COPS8: variants seen among roughly 807,000 people sequenced by gnomAD.
COPS8 encodes COP9 signalosome complex subunit 8.
In COPS8, 11 loss-of-function variants were observed where a neutral mutation model predicts 31.5. The observed-to-expected ratio is 0.35, with a 90% CI of 0.22 to 0.58. COPS8 has a LOEUF of 0.58. COPS8 is among the 20% of genes least tolerant of loss of function. The probability of loss-of-function intolerance (pLI) is 0.83; values close to 1 mark genes in which losing one functional copy is unlikely to be tolerated. For synonymous variants in COPS8, 81 were observed against 89.3 expected, an observed-to-expected ratio of 0.91 and a Z score of 0.52; for missense variants, 215 against 255.1, an observed-to-expected ratio of 0.84 and a Z score of 1.07.
intron 7 of COPS8, 72 bp downstream of exon 7, chr2:237,096,941 ATG>A: frequency 9.7e-7 from 1 of 1,027,418 alleles, no homozygotes; most frequent in South Asian, 1.4e-5. Flanking sequence ...ATATATGTAT[ATG>A]TGTGTGTGAG....
chr2:237,095,558 A>G lies in COPS8; in HGVS notation c.440-264A>G, dbSNP rs946436767. Among the ~76,000 whole-genome samples the G allele has an allele frequency of 3.9e-5, 6 of 152,248 alleles. No individual in the cohort carries two copies. The East Asian group carries it at 9.6e-4, about 24-fold the overall frequency. ...AAATAATACTGATTAGGTTAATACT[A>G]TAATATATTCTTGACAGAAAACTAA... On this transcript the variant is annotated intron_variant, in intron 5 of 7. Transcript: ENST00000354371.
intron 2 of COPS8, chr2:237,087,552 C>T (rs1696641691): frequency 1.1e-5 from 3 of 276,078 alleles, no homozygotes; most frequent in Non-Finnish European, 2.3e-5. Context: ...AAGAGGAATT[C>T]GTTACAAACA....
Position 237,093,866 on chromosome 2 carries a change from T to A in COPS8, c.332-224T>A, listed in dbSNP as rs1026884546. 5.1e-6 allele frequency: 6 copies of A among 1,171,178 alleles called. No homozygotes were observed. The African/African-American group carries it at 9.5e-5, about 19-fold the overall frequency. The allele number at this position is 1,171,178 out of a possible 1,614,324, so 72.5% of individuals were successfully genotyped here. ...TCTTTGTAATTTTCATTATCTGAGATTTTTCATCCAAGAGGAAGTGTAAGA... is the reference window on the plus strand; with the variant it reads ...TCTTTGTAATTTTCATTATCTGAGAATTTTCATCCAAGAGGAAGTGTAAGA... On this transcript the variant is annotated intron_variant, in intron 4 of 7. Coordinates refer to ENST00000354371, the MANE Select transcript of COPS8 (RefSeq NM_006710.5).
intron 5 of COPS8, 106 bp from the exon 6 acceptor site, chr2:237,095,716 T>C: frequency 1.4e-6 from 1 of 726,160 alleles, no homozygotes; most frequent in South Asian, 1.6e-5. Context: ...TGACGGGTTA[T>C]ACTAAACACA....
intron 2 of COPS8, among the ~76,000 whole-genome samples, chr2:237,087,952 CA>C (rs199564314): frequency 0.05 from 4,933 of 99,290 alleles, 103 homozygotes; most frequent in Middle Eastern, 0.21. Flanking sequence ...AGCATAACTG[CA>C]AAAAAAAAAA....
rs1268475417 is a variant in COPS8 at position 237,094,072 on chromosome 2, C to T, written c.332-18C>T. The T allele has an allele frequency of 1.2e-6, 2 of 1,610,364 alleles. No individual in the cohort carries two copies. The highest frequency in any genetic ancestry group is 2.2e-5 in the East Asian group (1 of 44,798). The stretch of plus-strand genomic sequence containing the variant: ...GCTCCCTGGTTCACTCTCTGCCAAC[C>T]CACCACTCCCACAATAGATGCAACA... On this transcript the variant is annotated intron_variant, in intron 4 of 7. Transcript: ENST00000354371.
At chr2:237,087,016 C>T in intron 1 of COPS8, 111 bp from the exon 2 acceptor site, 1 of 694,206 alleles carries the variant, frequency 1.4e-6, no homozygotes, top group Non-Finnish European at 2.3e-6. Flanking sequence ...AAAAGGCTTA[C>T]TTTTAAAATT....
intron 4 of COPS8, 123 bp downstream of exon 4, chr2:237,090,117 G>A: frequency 2.1e-6 from 2 of 955,470 alleles, no homozygotes; most frequent in Non-Finnish European, 2.9e-6. Context: ...GAAAAGAGCA[G>A]TTTTCAGAAT....
At chr2:237,087,218 G>C (rs771993809) in intron 2 of COPS8, 21 bp downstream of exon 2, 1 of 1,557,734 alleles carries the variant, frequency 6.4e-7, no homozygotes, top group East Asian at 2.3e-5. Context: ...TTAACCTAAA[G>C]CTAAGAGCAA....
chr2:237,100,097 C>A lies in COPS8; in HGVS notation c.*2355C>A, dbSNP rs1696869636. 1.3e-5 allele frequency: 2 copies of A among 152,192 alleles called. No homozygotes were observed. Among genetic ancestry groups the A allele is most frequent in the African/African-American group, 2.4e-5 (1 of 41,440 alleles). The allele number at this position is 152,192 out of a possible 1,614,324, so 9.4% of individuals were successfully genotyped here. On this transcript the variant is annotated 3_prime_UTR_variant, in exon 8 of 8. Coordinates refer to ENST00000354371, the MANE Select transcript of COPS8 (RefSeq NM_006710.5). ...GAACCTGTAGGGTAGTCAAAAAGCT[C>A]ATGCTGGAAAATTCCACCGAATAAA...
chr2:237,086,659 C>T (rs1305155393), intron 1 of COPS8: 2 of 256,720 alleles, frequency 7.8e-6, no homozygotes, highest in East Asian at 3.5e-4. Context: ...ATAATAGATA[C>T]TTTCCAGTTG....
intron 3 of COPS8, 78 bp from the exon 4 acceptor site, chr2:237,089,784 C>T: frequency 7.4e-7 from 1 of 1,356,312 alleles, no homozygotes; most frequent in Non-Finnish European, 1.0e-6. Context: ...TATATCATTT[C>T]TGGTATTTTG....
At position 237,089,950 on chromosome 2, in the gene COPS8, A is replaced by G; in HGVS notation, c.287A>G (p.His96Arg). 1 of 1,613,976 alleles carries G rather than the reference A, an allele frequency of 6.2e-7. No individual in the cohort carries two copies. The highest frequency in any genetic ancestry group is 8.5e-7 in the Non-Finnish European group (1 of 1,179,868). The stretch of plus-strand genomic sequence containing the variant: ...GGGATCTATACAACCATCAACGCTC[A>G]CCAGTGGTCTGAGACGGTCCAGCCA... Reference protein sequence around the residue: ...FPGIYTTINAHQWSETVQPIM... With the variant: ...FPGIYTTINARQWSETVQPIM... Residue 96 changes from histidine (H) to arginine (R), a missense_variant, in exon 4 of 8, where the codon CAC becomes CGC. Coordinates refer to ENST00000354371, the MANE Select transcript of COPS8 (RefSeq NM_006710.5).
Position 237,085,900 on chromosome 2 carries a change from G to A in COPS8, c.-65G>A. 2 of 1,503,640 alleles carry A rather than the reference G, an allele frequency of 1.3e-6. No individual in the cohort carries two copies. Among genetic ancestry groups the A allele is most frequent in the South Asian group, 1.2e-5 (1 of 84,834 alleles). The allele number at this position is 1,503,640 out of a possible 1,614,324, so 93.1% of individuals were successfully genotyped here. ...CGGCTTTAAACGTCATCGCGGGCGC[G>A]ACGCCTGAGGGACAGTCTGGGGTTT... On this transcript the variant is annotated 5_prime_UTR_variant, in exon 1 of 8. Transcript: ENST00000354371.
intron 3 of COPS8, 117 bp from the exon 4 acceptor site, chr2:237,089,745 A>C (rs1696674745): frequency 2.0e-6 from 2 of 984,332 alleles, no homozygotes; most frequent in East Asian, 5.0e-5. Flanking sequence ...ATGTTGAATT[A>C]GGTTTTAATG....
intron 3 of COPS8, among the ~76,000 whole-genome samples, chr2:237,089,444 T>C (rs1415542663): frequency 1.3e-5 from 2 of 152,212 alleles, no homozygotes; most frequent in Non-Finnish European, 2.9e-5. Context: ...ATGTATGACA[T>C]CTTAGATTGA....
intron 4 of COPS8, among the ~76,000 whole-genome samples, chr2:237,092,787 TG>T (rs1201500012): frequency 1.3e-5 from 2 of 151,938 alleles, no homozygotes; most frequent in Non-Finnish European, 1.5e-5. Flanking sequence ...GGGGAAGGGA[TG>T]GGAGTGTCGG....
Position 237,100,459 on chromosome 2 carries a change from T to C in COPS8, c.*2717T>C, listed in dbSNP as rs1381786319. ...ATGACATGGTGAATAAACACTCTCT[T>C]CCTTGTCTCAGGGCAGACTATTTCC... On this transcript the variant is annotated 3_prime_UTR_variant, in exon 8 of 8. Transcript: ENST00000354371. 6.6e-6 allele frequency: 1 copy of C among 152,178 alleles called. No individual in the cohort carries two copies. Among genetic ancestry groups the C allele is most frequent in the Non-Finnish European group, 1.5e-5 (1 of 68,042 alleles). The allele number at this position is 152,178 out of a possible 1,614,324, so 9.4% of individuals were successfully genotyped here.
intron 2 of COPS8, chr2:237,087,549 ATT>A (rs1026789833): frequency 3.5e-6 from 1 of 282,560 alleles, no homozygotes; most frequent in African/African-American, 2.3e-5. Context: ...GCCAAGAGGA[ATT>A]CGTTACAAAC....
Sources: gnomAD v4.1 joint callset for allele counts (sites outside exome capture counted in the v4.1 genomes callset) on GRCh38, gnomAD v4.1.1 for gene constraint, MANE v1.5 for transcripts, NCBI Gene and HGNC (gene_info 2026-07-23, HGNC 2026-07-21) for gene names.